The following CYP4Z1 variants were observed in gnomAD, a reference collection of about 807,000 sequenced individuals.
CYP4Z1 encodes cytochrome P450 4Z1.
In CYP4Z1, 41 loss-of-function variants were observed where a neutral mutation model predicts 54.2. The observed-to-expected ratio is 0.76, with a 90% CI of 0.59 to 0.98. The LOEUF is 0.98. Among genes scored for constraint, CYP4Z1 ranks in the 50% least tolerant of loss-of-function variants. The pLI, the probability that CYP4Z1 is intolerant of heterozygous loss-of-function variation, is 0.00. For missense variants in CYP4Z1, 513 were observed against 599.0 expected (o/e 0.86, Z 1.50); for synonymous variants, 163 against 206.2 (o/e 0.79, Z 1.79).
chr1:47,077,327 A>G (rs903740216), intron 2 of CYP4Z1, among the ~76,000 whole-genome samples: 1 of 152,106 alleles, frequency 6.6e-6, no homozygotes, highest in Non-Finnish European at 1.5e-5. Flanking sequence ...CCTTAACAAT[A>G]TATAATGTCT....
At chr1:47,086,518 T>G (rs1337972742) in intron 6 of CYP4Z1, among the ~76,000 whole-genome samples, 2 of 152,248 alleles carry the variant, frequency 1.3e-5, no homozygotes, top group Non-Finnish European at 2.9e-5. Context: ...GTTCATATCC[T>G]TTGCCCACTT....
rs1644757646 is a variant in CYP4Z1, at chr1:47,106,315, G to C, written c.1201+54G>C. On this transcript the variant is annotated intron_variant, in intron 9 of 11. Coordinates refer to ENST00000334194, the MANE Select transcript of CYP4Z1 (RefSeq NM_178134.3). ...CAATGCAGCTGTGCTGGATTGAAAT[G>C]TCTTAACATACTCATGTCTTTAACA... The C allele has an allele frequency of 1.9e-6, 3 of 1,563,840 alleles. No individual in the cohort carries two copies. In the Admixed American group the frequency reaches 5.6e-5, roughly 29 times the overall value.
At chr1:47,067,723 A>G in intron 1 of CYP4Z1, 56 bp downstream of exon 1, 2 of 1,481,342 alleles carry the variant, frequency 1.4e-6, no homozygotes. Flanking sequence ...AGGTATTAAA[A>G]AAAAACAGCA....
At chr1:47,055,735 A>T in the CYP4Z1 span, among the ~76,000 whole-genome samples, 4 of 152,088 alleles carry the variant, frequency 2.6e-5, no homozygotes, top group African/African-American at 7.2e-5. Context: ...TTCTGATGGT[A>T]GTTTCTATTT....
chr1:47,115,736 A>C, intron 10 of CYP4Z1, 143 bp downstream of exon 10: 1 of 759,286 alleles, frequency 1.3e-6, no homozygotes, highest in Non-Finnish European at 2.2e-6. Flanking sequence ...TATGCTTTTA[A>C]GAGAAAACTA....
Position 47,084,768 on chromosome 1 carries a change from T to C in CYP4Z1, c.617+24T>C, listed in dbSNP as rs368533926. ...AGGTCAGTGACAAAAGGAAGGTAAT[T>C]GTTTGCCAATAACTGTGTCACCCAC... On this transcript the variant is annotated intron_variant, in intron 5 of 11. Transcript: ENST00000334194. The C allele has an allele frequency of 1.4e-5, 22 of 1,613,094 alleles. No homozygotes were observed. In the East Asian group the frequency reaches 2.5e-4, roughly 18 times the overall value.
chr1:47,084,490 A>G, intron 4 of CYP4Z1, 130 bp from the exon 5 acceptor site: 1 of 1,316,554 alleles, frequency 7.6e-7, no homozygotes, highest in East Asian at 2.6e-5. Context: ...TATGGTTGTC[A>G]TAATAAGGCA....
intron 9 of CYP4Z1, among the ~76,000 whole-genome samples, chr1:47,106,612 G>A (rs1644759537): frequency 6.6e-6 from 1 of 152,116 alleles, no homozygotes; most frequent in South Asian, 2.1e-4. Flanking sequence ...AAAGCAGCAG[G>A]CAGCCTGCCT....
intron 6 of CYP4Z1, among the ~76,000 whole-genome samples, chr1:47,085,217 A>G (rs1381842495): frequency 6.6e-6 from 1 of 152,222 alleles, no homozygotes; most frequent in Non-Finnish European, 1.5e-5. Context: ...TAAGCAAAAC[A>G]TCTGTCTATT....
intron 8 of CYP4Z1, 105 bp downstream of exon 8, chr1:47,099,389 C>T: frequency 8.7e-7 from 1 of 1,143,766 alleles, no homozygotes; most frequent in East Asian, 2.6e-5. Flanking sequence ...AGTCTGTATG[C>T]ATTTGGAAAG....
chr1:47,062,330 A>G (rs1049556562), upstream of CYP4Z1, among the ~76,000 whole-genome samples: 11 of 152,218 alleles, frequency 7.2e-5, no homozygotes, highest in African/African-American at 2.7e-4. Context: ...CGGGAAAGCT[A>G]AGAGAATCTA....
chr1:47,066,117 G>A (rs1277773932), upstream of CYP4Z1, among the ~76,000 whole-genome samples: 1 of 152,018 alleles, frequency 6.6e-6, no homozygotes. Context: ...AGAAGAAGTG[G>A]TACCAATTCT....
At chr1:47,065,996 C>T (rs942823057), upstream of CYP4Z1, among the ~76,000 whole-genome samples, 10 of 151,874 alleles carry the variant, frequency 6.6e-5, no homozygotes, top group Non-Finnish European at 1.0e-4. Context: ...ATAGAATCGC[C>T]GAACAGACCA....
Position 47,085,800 on chromosome 1 carries a change from T to C in CYP4Z1, c.772+822T>C, listed in dbSNP as rs568407289. Among the ~76,000 whole-genome samples, 8 of 151,994 alleles carry C rather than the reference T, an allele frequency of 5.3e-5. No individual in the cohort carries two copies. In the South Asian group the frequency reaches 1.5e-3, roughly 28 times the overall value. The stretch of plus-strand genomic sequence containing the variant: ...TATTGATGTGTTGCACCCATTAACT[T>C]GTCATTTACCTTAGGTATATCTCCT... On this transcript the variant is annotated intron_variant, in intron 6 of 11. Coordinates refer to ENST00000334194, the MANE Select transcript of CYP4Z1 (RefSeq NM_178134.3).
chr1:47,105,117 G>C (rs950424486), intron 8 of CYP4Z1, among the ~76,000 whole-genome samples: 5 of 152,134 alleles, frequency 3.3e-5, no homozygotes, highest in African/African-American at 1.2e-4. Flanking sequence ...TTGTCCTCAG[G>C]GTGCATGAAA....
In CYP4Z1 at chr1:47,084,883, T is replaced by C; in HGVS notation, c.677T>C (p.Met226Thr). 6.5e-7 allele frequency: 1 copy of C among 1,539,748 alleles called. No homozygotes were observed. The highest frequency in any genetic ancestry group is 8.7e-7 in the Non-Finnish European group (1 of 1,145,272). ...FNLSKISNQR[M>T]NNFLHHNDLV... ...CTTAGCAAAATCTCCAACCAGCGCA[T>C]GAACAATTTTCTACATCACAACGAC... is the stretch of plus-strand genomic sequence containing the variant. Residue 226 changes from methionine to threonine, a missense_variant, in exon 6 of 12, where the codon ATG (methionine) becomes ACG (threonine). Met to Thr is a moderately conservative substitution (Grantham distance 81). Transcript: ENST00000334194.
At chr1:47,111,603 GA>G (rs1252653594) in intron 9 of CYP4Z1, among the ~76,000 whole-genome samples, 1 of 152,102 alleles carries the variant, frequency 6.6e-6, no homozygotes, top group Non-Finnish European at 1.5e-5. Flanking sequence ...GTATACAGAC[GA>G]TCTAAACAAT....
intron 9 of CYP4Z1, among the ~76,000 whole-genome samples, chr1:47,112,566 T>C (rs56854220): frequency 1.3e-5 from 2 of 152,158 alleles, no homozygotes; most frequent in African/African-American, 2.4e-5. Flanking sequence ...AAATCACTTA[T>C]GTATATAAGT....
intron 6 of CYP4Z1, among the ~76,000 whole-genome samples, chr1:47,090,494 C>A (rs1173751993): frequency 6.6e-6 from 1 of 152,154 alleles, no homozygotes; most frequent in African/African-American, 2.4e-5. Flanking sequence ...TGGGGATTTA[C>A]AAAGTTACAA....
Sources: allele counts gnomAD v4.1 joint callset (sites outside exome capture counted in the v4.1 genomes callset), GRCh38; gene constraint gnomAD v4.1.1; transcripts MANE v1.5; gene names NCBI Gene and HGNC (gene_info 2026-07-23, HGNC 2026-07-21).